The following HCFC2 variants were observed in gnomAD, a reference collection of about 807,000 sequenced individuals.
The protein encoded by HCFC2 is host cell factor 2.
HCFC2 carries 18 observed loss-of-function variants against 89.2 expected under a neutral mutation model. That is an observed-to-expected ratio of 0.20 (90% confidence interval 0.14 to 0.30). HCFC2 has a LOEUF of 0.30. HCFC2 is among the 10% of genes least tolerant of loss of function. The pLI is 1.00. For synonymous variants in HCFC2, 308 were observed against 335.7 expected (o/e 0.92, Z 0.90); for missense variants, 578 against 956.1 (o/e 0.60, Z 5.21).
rs754272498 is a variant in HCFC2, at chr12:104,103,301, A to T, written c.*28A>T. ...TGGTTTTTTTACTGAAGCTATTGTG[A>T]TGATGATTATTTATTAGTAACTGGT... On this transcript the variant is annotated 3_prime_UTR_variant, in exon 15 of 15. Coordinates refer to ENST00000229330, the MANE Select transcript of HCFC2 (RefSeq NM_013320.3). 3 of 1,539,698 alleles carry T rather than the reference A, an allele frequency of 1.9e-6. No homozygotes were observed. The highest frequency in any genetic ancestry group is 2.7e-6 in the Non-Finnish European group (3 of 1,123,430).
At position 104,066,202 on chromosome 12, in the gene HCFC2, G is replaced by T; in HGVS notation, c.199G>T (p.Asp67Tyr). ...GTGGTTTCTGCCAGCTGTTAGAGGAGATATCCCTCCAGGCTGTGCTGCCCA... is the reference window on the plus strand; with the variant it reads ...GTGGTTTCTGCCAGCTGTTAGAGGATATATCCCTCCAGGCTGTGCTGCCCA... Reference protein sequence around the residue: ...NQWFLPAVRGDIPPGCAAHGF... With the variant: ...NQWFLPAVRGYIPPGCAAHGF... Residue 67 changes from aspartate (D) to tyrosine (Y), a missense_variant, in exon 2 of 15, where the codon GAT (aspartate) becomes TAT (tyrosine). Physicochemically the swap from Asp to Tyr is radical, Grantham distance 160. Coordinates refer to ENST00000229330, the MANE Select transcript of HCFC2 (RefSeq NM_013320.3). 6.2e-7 allele frequency: 1 copy of T among 1,613,416 alleles called. No individual in the cohort carries two copies. The highest frequency in any genetic ancestry group is 8.5e-7 in the Non-Finnish European group (1 of 1,179,808).
At chr12:104,099,935 G>A (rs984355259) in intron 13 of HCFC2, among the ~76,000 whole-genome samples, 1 of 152,110 alleles carries the variant, frequency 6.6e-6, no homozygotes, top group South Asian at 2.1e-4. Context: ...GGGATTACAG[G>A]CATGAGCCAC....
intron 9 of HCFC2, among the ~76,000 whole-genome samples, chr12:104,091,403 A>G (rs1488020446): frequency 6.6e-6 from 1 of 152,202 alleles, no homozygotes; most frequent in Non-Finnish European, 1.5e-5. Context: ...GCCACATCTC[A>G]GTGACTTTCC....
intron 8 of HCFC2, 104 bp from the exon 9 acceptor site, chr12:104,087,882 G>T: frequency 3.6e-6 from 2 of 548,318 alleles, no homozygotes; most frequent in Non-Finnish European, 5.9e-6. Context: ...CTTTGGTAAA[G>T]ATACTACTTT....
In HCFC2 at chr12:104,087,954, C is replaced by G. The variant is rs761647344; in HGVS notation, c.1232-32C>G. On this transcript the variant is annotated intron_variant, in intron 8 of 14. Coordinates refer to ENST00000229330, the MANE Select transcript of HCFC2 (RefSeq NM_013320.3). ...ATATTTTATTGAAGCTAGTTAAGAG[C>G]ATATCAGTCTGAACCTTTCTCATTC... The G allele has an allele frequency of 2.2e-6, 3 of 1,372,168 alleles. No individual in the cohort carries two copies. The South Asian group carries it at 4.1e-5, about 19-fold the overall frequency. 85.0% of individuals were successfully genotyped at this position (1,372,168 alleles called of 1,614,324 possible).
intron 7 of HCFC2, among the ~76,000 whole-genome samples, chr12:104,086,060 C>T (rs1206091310): frequency 7.0e-6 from 1 of 141,936 alleles, no homozygotes; most frequent in African/African-American, 2.6e-5. Flanking sequence ...TGCAGTGTTG[C>T]GACCTCGGCT....
intron 3 of HCFC2, among the ~76,000 whole-genome samples, chr12:104,076,709 C>G (rs1050856519): frequency 2.0e-5 from 3 of 149,482 alleles, no homozygotes; most frequent in Non-Finnish European, 4.4e-5. Flanking sequence ...TTCCTGCCCC[C>G]ACCACCAACC....
rs926817143 is a variant in HCFC2, at chr12:104,068,633, C to T, written c.473+526C>T. Among the ~76,000 whole-genome samples the T allele has an allele frequency of 6.6e-6, 1 of 152,078 alleles. No individual in the cohort carries two copies. Among genetic ancestry groups the T allele is most frequent in the Non-Finnish European group, 1.5e-5 (1 of 68,018 alleles). On this transcript the variant is annotated intron_variant, in intron 3 of 14. Coordinates refer to ENST00000229330, the MANE Select transcript of HCFC2 (RefSeq NM_013320.3). The surrounding 1 kb of genome is among the most constrained non-coding windows in gnomAD (Gnocchi z 4.1). ...TTCCCAAACAGAATTAATTCACTAC[C>T]TCTTTTCTTTTCACATCATGTTTTG...
At chr12:104,066,051 TG>T (rs1883122972) in intron 1 of HCFC2, 115 bp from the exon 2 acceptor site, 2 of 999,686 alleles carry the variant, frequency 2.0e-6, no homozygotes, top group Non-Finnish European at 1.5e-6. Flanking sequence ...AAATGTCTTC[TG>T]GGGGGCAGAA....
At chr12:104,071,460 A>G (rs1365041823) in intron 3 of HCFC2, among the ~76,000 whole-genome samples, 1 of 152,272 alleles carries the variant, frequency 6.6e-6, no homozygotes, top group African/African-American at 2.4e-5. Flanking sequence ...GTCACATTCC[A>G]TTGGTCAAAC....
Position 104,064,826 on chromosome 12 carries a change from C to T in HCFC2, c.163+103C>T. The T allele has an allele frequency of 9.0e-7, 1 of 1,108,188 alleles. No homozygotes were observed. Among genetic ancestry groups the T allele is most frequent in the East Asian group, 3.2e-5 (1 of 31,708 alleles). The allele number at this position is 1,108,188 out of a possible 1,614,324, so 68.6% of individuals were successfully genotyped here. A position where few individuals can be genotyped will look rare whatever the true frequency, so the allele number is the denominator to read the frequency against. ...CCTGACAGCTGTCACCGCCCGGTCA[C>T]TGCTTCCTTGGGCGGGCGGCGGGGA... is the stretch of plus-strand genomic sequence containing the variant. On this transcript the variant is annotated intron_variant, in intron 1 of 14. Coordinates refer to ENST00000229330, the MANE Select transcript of HCFC2 (RefSeq NM_013320.3). The surrounding 1 kb of genome is among the most constrained non-coding windows in gnomAD (Gnocchi z 7.3).
intron 3 of HCFC2, among the ~76,000 whole-genome samples, chr12:104,071,675 C>T (rs538091149): frequency 2.6e-4 from 40 of 152,338 alleles, no homozygotes; most frequent in African/African-American, 9.4e-4. Flanking sequence ...GGAGCCTCCA[C>T]CTCCCAGGCA....
At chr12:104,088,064 A>AT (rs1566232677) in intron 9 of HCFC2, 26 bp downstream of exon 9, 14 of 1,532,496 alleles carry the variant, frequency 9.1e-6, no homozygotes, top group African/African-American at 1.4e-5. Context: ...TATGAAGGTA[A>AT]TTGGATGTTT....
intron 1 of HCFC2, 91 bp from the exon 2 acceptor site, chr12:104,066,076 A>C (rs1883124586): frequency 7.9e-7 from 1 of 1,260,220 alleles, no homozygotes; most frequent in South Asian, 1.3e-5. Flanking sequence ...TCCCCAGTTG[A>C]GACCCACTGA....
chr12:104,099,750 C>G (rs1395937260), intron 13 of HCFC2, among the ~76,000 whole-genome samples: 1 of 152,170 alleles, frequency 6.6e-6, no homozygotes, highest in Non-Finnish European at 1.5e-5. Context: ...ACTGCAGCCT[C>G]AACCTCCTGG....
chr12:104,102,173 CTTG>C lies in HCFC2; in HGVS notation c.2064+24_2064+26del. ...TCAAAGGTGAGACATCGGGTCAAGA[CTTG>C]TTGGTGATTTTAAATTATTTGAAAT... On this transcript the variant is annotated intron_variant, in intron 14 of 14. Coordinates refer to ENST00000229330, the MANE Select transcript of HCFC2 (RefSeq NM_013320.3). 3 of 1,592,674 alleles carry C rather than the reference CTTG, an allele frequency of 1.9e-6. No individual in the cohort carries two copies. Among genetic ancestry groups the C allele is most frequent in the Non-Finnish European group, 2.6e-6 (3 of 1,166,248 alleles).
intron 7 of HCFC2, 150 bp from the exon 8 acceptor site, chr12:104,086,697 C>T (rs1007759860): frequency 1.4e-5 from 6 of 435,746 alleles, no homozygotes; most frequent in Non-Finnish European, 2.4e-5. Context: ...CCTACTGTAG[C>T]TGTGTTTATC....
At chr12:104,077,015 T>A (rs1004038419) in intron 3 of HCFC2, among the ~76,000 whole-genome samples, 1 of 152,188 alleles carries the variant, frequency 6.6e-6, no homozygotes, top group Non-Finnish European at 1.5e-5. Flanking sequence ...TCTGTGTCTG[T>A]GTGTATATAT....
Position 104,088,045 on chromosome 12 carries a change from A to G in HCFC2, c.1284+7A>G. 1 of 1,590,238 alleles carries G rather than the reference A, an allele frequency of 6.3e-7. No homozygotes were observed. The highest frequency in any genetic ancestry group is 8.6e-7 in the Non-Finnish European group (1 of 1,162,260). ...TAACATCGTTCCTAACAGTGTAAGT[A>G]AAAAAGTGTATGAAGGTAATTGGAT... On this transcript the variant is annotated splice_region_variant and intron_variant, in intron 9 of 14. Coordinates refer to ENST00000229330, the MANE Select transcript of HCFC2 (RefSeq NM_013320.3).
Sources: gnomAD v4.1 joint callset for allele counts (sites outside exome capture counted in the v4.1 genomes callset) on GRCh38, gnomAD v4.1.1 for gene constraint, Gnocchi (gnomAD v3.1) non-coding constraint, MANE v1.5 for transcripts, NCBI Gene and HGNC (gene_info 2026-07-23, HGNC 2026-07-21) for gene names.